Variants in CDH4 observed in about 807,000 individuals in gnomAD.
CDH4 encodes the protein cadherin 4.
CDH4 carries 33 observed loss-of-function variants against 86.0 expected under a neutral mutation model. The observed-to-expected ratio is 0.38, with a 90% CI of 0.29 to 0.51. The LOEUF is 0.51. Among genes scored for constraint, CDH4 ranks in the 20% least tolerant of loss-of-function variants. The pLI, the probability that CDH4 is intolerant of heterozygous loss-of-function variation, is 0.86. For missense variants in CDH4, 1,114 were observed against 1,307.4 expected, an observed-to-expected ratio of 0.85 and a Z score of 2.28; for synonymous variants, 555 against 549.4, an observed-to-expected ratio of 1.01 and a Z score of -0.14.
At chr20:61,644,163 A>C (rs948130770) in intron 2 of CDH4, among the ~76,000 whole-genome samples, 3 of 152,158 alleles carry the variant, frequency 2.0e-5, no homozygotes, top group African/African-American at 7.2e-5. Flanking sequence ...TGTGGAGGAG[A>C]GTTTCAGTGA....
chr20:61,923,763 G>A, intron 10 of CDH4, 59 bp downstream of exon 10: 1 of 1,550,218 alleles, frequency 6.5e-7, no homozygotes, highest in African/African-American at 1.4e-5. Context: ...CATACAGAAG[G>A]GTCCAGAAAT....
chr20:61,556,418 G>T (rs1277042865), intron 2 of CDH4, among the ~76,000 whole-genome samples: 1 of 152,148 alleles, frequency 6.6e-6, no homozygotes, highest in African/African-American at 2.4e-5. Context: ...GAGGAACTGT[G>T]TTATAATCAC....
In CDH4 at chr20:61,681,069, C is replaced by T. The variant is rs528953418; in HGVS notation, c.170-62494C>T. Among the ~76,000 whole-genome samples, 6 of 152,308 alleles carry T rather than the reference C, an allele frequency of 3.9e-5. No individual in the cohort carries two copies. The East Asian group carries it at 1.2e-3, about 29-fold the overall frequency. ...AAACATGTAGCTTCTCTAACATAATCCCTCTGTGCCGTGCAATTATTAACA... is the reference window on the plus strand; with the variant it reads ...AAACATGTAGCTTCTCTAACATAATTCCTCTGTGCCGTGCAATTATTAACA... On this transcript the variant is annotated intron_variant, in intron 2 of 15. Transcript: ENST00000614565. The surrounding 1 kb of genome is among the most constrained non-coding windows in gnomAD (Gnocchi z 4.5).
intron 2 of CDH4, among the ~76,000 whole-genome samples, chr20:61,260,606 C>T (rs1262931825): frequency 2.6e-5 from 4 of 152,196 alleles, no homozygotes; most frequent in Admixed American, 6.5e-5. Flanking sequence ...AAAGCCCAGA[C>T]TTTCTTGCTG....
chr20:61,746,532 G>A (rs1281731036), intron 3 of CDH4, among the ~76,000 whole-genome samples: 2 of 152,236 alleles, frequency 1.3e-5, no homozygotes, highest in African/African-American at 4.8e-5. Context: ...GATGTGTGGG[G>A]AAGGAGTGGA....
At chr20:61,654,108 A>G (rs1252224976) in intron 2 of CDH4, among the ~76,000 whole-genome samples, 1 of 152,088 alleles carries the variant, frequency 6.6e-6, no homozygotes, top group Non-Finnish European at 1.5e-5. Flanking sequence ...AGCTGAGATC[A>G]CGCCACTGCA....
chr20:61,934,677 G>T (rs903929057), intron 15 of CDH4, among the ~76,000 whole-genome samples: 1 of 152,296 alleles, frequency 6.6e-6, no homozygotes, highest in East Asian at 1.9e-4. Flanking sequence ...TGCTCAGAGA[G>T]GCAGAGGCCC....
chr20:61,903,272 ATGGTG>A (rs1468474118), intron 8 of CDH4, among the ~76,000 whole-genome samples: 1 of 152,076 alleles, frequency 6.6e-6, no homozygotes, highest in Non-Finnish European at 1.5e-5. Context: ...AAGGCCAGGC[ATGGTG>A]GCTCACGCCT....
intron 2 of CDH4, chr20:61,718,428 C>G (rs1220987469): frequency 4.5e-6 from 1 of 222,136 alleles, no homozygotes; most frequent in Non-Finnish European, 9.2e-6. Flanking sequence ...TCCTCTCTGG[C>G]TCTGGACACA....
At chr20:61,696,491 T>A (rs976162831) in intron 2 of CDH4, among the ~76,000 whole-genome samples, 1 of 152,176 alleles carries the variant, frequency 6.6e-6, no homozygotes, top group East Asian at 1.9e-4. Flanking sequence ...GCACCAGCTG[T>A]GTACTGAGCG....
intron 2 of CDH4, among the ~76,000 whole-genome samples, chr20:61,512,030 T>C (rs2085784008): frequency 6.6e-6 from 1 of 152,256 alleles, no homozygotes; most frequent in Admixed American, 6.5e-5. Context: ...TCCATCCGCA[T>C]TGATTTATTC....
At chr20:61,836,468 C>G (rs1431827819) in intron 4 of CDH4, among the ~76,000 whole-genome samples, 5 of 152,208 alleles carry the variant, frequency 3.3e-5, no homozygotes, top group African/African-American at 1.2e-4. Context: ...TATGTGTGAA[C>G]AGTTCTGTAT....
intron 3 of CDH4, among the ~76,000 whole-genome samples, chr20:61,757,176 G>C (rs985269575): frequency 6.6e-6 from 1 of 152,164 alleles, no homozygotes; most frequent in Non-Finnish European, 1.5e-5. Context: ...ATGGCCCCTG[G>C]GTTCAGCAGA....
intron 2 of CDH4, among the ~76,000 whole-genome samples, chr20:61,415,540 T>C (rs1192302507): frequency 6.6e-6 from 1 of 151,792 alleles, no homozygotes; most frequent in African/African-American, 2.4e-5. Context: ...AGCCGCACTC[T>C]CCCCCGCCCC....
chr20:61,674,068 T>G (rs928443873), intron 2 of CDH4, among the ~76,000 whole-genome samples: 4 of 152,154 alleles, frequency 2.6e-5, no homozygotes, highest in Non-Finnish European at 5.9e-5. Flanking sequence ...TGCCTGGTTT[T>G]GGGGGTGTGC....
At chr20:61,870,776 A>C (rs1391036154) in intron 6 of CDH4, among the ~76,000 whole-genome samples, 1 of 152,086 alleles carries the variant, frequency 6.6e-6, no homozygotes, top group Non-Finnish European at 1.5e-5. Context: ...GGTGGTTTCA[A>C]ATAGTGCCTG....
chr20:61,591,161 C>T (rs567052664), intron 2 of CDH4, among the ~76,000 whole-genome samples: 3 of 151,794 alleles, frequency 2.0e-5, no homozygotes, highest in African/African-American at 7.2e-5. Context: ...GTACAAGAGG[C>T]GGACCCACTG....
chr20:61,628,020 G>A (rs1239582303), intron 2 of CDH4, among the ~76,000 whole-genome samples: 5 of 152,224 alleles, frequency 3.3e-5, no homozygotes, highest in Admixed American at 6.5e-5. Flanking sequence ...TGCCCCACCA[G>A]GAATTCCCAC....
chr20:61,493,356 C>T (rs1568864255), intron 2 of CDH4, among the ~76,000 whole-genome samples: 1 of 152,176 alleles, frequency 6.6e-6, no homozygotes, highest in Non-Finnish European at 1.5e-5. Flanking sequence ...TGGACAATGC[C>T]CACAAGTAAC....
Sources: gnomAD v4.1 joint callset for allele counts (sites outside exome capture counted in the v4.1 genomes callset) on GRCh38, gnomAD v4.1.1 for gene constraint, Gnocchi (gnomAD v3.1) non-coding constraint, MANE v1.5 for transcripts, NCBI Gene and HGNC (gene_info 2026-07-23, HGNC 2026-07-21) for gene names.